Variants in LRRC4C observed in about 807,000 individuals in gnomAD.
The protein encoded by LRRC4C is leucine rich repeat containing 4C.
In LRRC4C, 5 loss-of-function variants were observed where a neutral mutation model predicts 33.6. The observed-to-expected ratio is 0.15, with a 90% CI of 0.08 to 0.31. The LOEUF is 0.31. Ranked by LOEUF, LRRC4C falls within the 10% of genes least tolerant of loss-of-function variation. The pLI is 1.00. For synonymous variants in LRRC4C, 329 were observed against 302.0 expected (o/e 1.09, Z -0.93); for missense variants, 560 against 796.7 (o/e 0.70, Z 3.58).
chr11:41,443,260 C>CG (rs1394752279), intron 1 of LRRC4C, among the ~76,000 whole-genome samples: 1 of 151,996 alleles, frequency 6.6e-6, no homozygotes, highest in African/African-American at 2.4e-5. Flanking sequence ...GTAATCACAG[C>CG]AGTTTGGCAG....
Position 40,115,407 on chromosome 11 carries a change from T to C in LRRC4C, c.886A>G (p.Ile296Val), listed in dbSNP as rs780433805. The change falls in exon 7 of 7, where the codon ATA (isoleucine) becomes GTA (valine). Residue 296 changes from isoleucine (I) to valine (V), a missense_variant. Around this residue, in one of 3 missense-constraint regions of LRRC4C, gnomAD observed 455 missense variants for 643.8 expected, o/e 0.71. Transcript: ENST00000528697. This position sits in a 1 kb window ranked among gnomAD's most constrained non-coding sequence, Gnocchi z 6.7. ...TTCCAAGGGTTGTGATGTAAATGTA[T>C]CCGCTCTAGATGATGCAAGGGAGTG... is the stretch of plus-strand genomic sequence containing the variant. Reference protein sequence around the residue: ...LFTPLHHLERIHLHHNPWNCN... With the variant: ...LFTPLHHLERVHLHHNPWNCN... The C allele has an allele frequency of 5.0e-6, 8 of 1,614,208 alleles. No homozygotes were observed. Among genetic ancestry groups the C allele is most frequent in the Non-Finnish European group, 6.8e-6 (8 of 1,180,028 alleles).
chr11:41,277,732 G>A (rs143596879), intron 1 of LRRC4C, among the ~76,000 whole-genome samples: 1,567 of 152,080 alleles, frequency 0.01, 15 homozygotes, highest in Middle Eastern at 0.054. Context: ...TATGTTAGTC[G>A]TTTTCAGAGA....
chr11:41,091,665 T>C (rs970913825), intron 1 of LRRC4C, among the ~76,000 whole-genome samples: 3 of 152,234 alleles, frequency 2.0e-5, no homozygotes, highest in Admixed American at 1.3e-4. Flanking sequence ...ACAATAAAAG[T>C]ATAATAAATA....
intron 1 of LRRC4C, among the ~76,000 whole-genome samples, chr11:41,109,933 G>C (rs1941731918): frequency 6.6e-6 from 1 of 151,912 alleles, no homozygotes; most frequent in Admixed American, 6.6e-5. Context: ...CATTTCTTGA[G>C]ACAATGGTCT....
At chr11:40,332,323 T>C (rs542104887) in intron 3 of LRRC4C, among the ~76,000 whole-genome samples, 2 of 152,316 alleles carry the variant, frequency 1.3e-5, no homozygotes, top group Non-Finnish European at 2.9e-5. Flanking sequence ...TTAACTTCAA[T>C]TTCTGTCTCC....
In LRRC4C at chr11:40,114,475, G is replaced by A; in HGVS notation, c.1818C>T (p.Asn606=). Residue 606 remains asparagine, a synonymous_variant, in exon 7 of 7, where the codon AAC becomes AAT. Transcript: ENST00000528697. ...NHYNSYKSPF[N]HTTTVNTINS... is the part of the protein sequence containing the mutation. ...TTATTGTGTTAACTGTTGTTGTGTG[G>A]TTGAAGGGAGATTTGTATGAGTTAT... 6.2e-7 allele frequency: 1 copy of A among 1,614,108 alleles called. No homozygotes were observed. The highest frequency in any genetic ancestry group is 8.5e-7 in the Non-Finnish European group (1 of 1,180,018).
At position 40,716,049 on chromosome 11, in the gene LRRC4C, C is replaced by CAA. The variant is rs34904324; in HGVS notation, c.-406-67773_-406-67772dup. ...GACTGTGTCTCAAAACAAAAACAAA[C>CAA]AAAAAAAAAACAAAACCCAGGGCCT... On this transcript the variant is annotated intron_variant, in intron 2 of 6. Transcript: ENST00000528697. Among the ~76,000 whole-genome samples the CAA allele has an allele frequency of 1.7e-4, 25 of 149,854 alleles. 1 individual carries two copies. The highest frequency in any genetic ancestry group is 6.4e-4 in the South Asian group (3 of 4,722).
intron 5 of LRRC4C, among the ~76,000 whole-genome samples, chr11:40,179,345 G>A (rs1317332161): frequency 6.6e-6 from 1 of 152,106 alleles, no homozygotes; most frequent in African/African-American, 2.4e-5. Flanking sequence ...ATACTAATTT[G>A]TGTGTGCTAG....
chr11:41,002,578 C>A (rs1854464021), intron 1 of LRRC4C, among the ~76,000 whole-genome samples: 1 of 152,156 alleles, frequency 6.6e-6, no homozygotes, highest in Non-Finnish European at 1.5e-5. Flanking sequence ...TGAGAAAGAG[C>A]TAAAAATCAC....
At chr11:40,627,459 G>A (rs1963064219) in intron 3 of LRRC4C, among the ~76,000 whole-genome samples, 1 of 152,126 alleles carries the variant, frequency 6.6e-6, no homozygotes, top group African/African-American at 2.4e-5. Context: ...AAGAAAGTGA[G>A]CCTTAAGTAA....
intron 4 of LRRC4C, among the ~76,000 whole-genome samples, chr11:40,301,670 G>C (rs886125329): frequency 2.0e-5 from 3 of 152,040 alleles, no homozygotes; most frequent in Non-Finnish European, 4.4e-5. Context: ...TGATAGCCTT[G>C]TTTTCCCCAC....
intron 1 of LRRC4C, among the ~76,000 whole-genome samples, chr11:41,184,215 A>T (rs1945584807): frequency 6.6e-6 from 1 of 151,782 alleles, no homozygotes; most frequent in African/African-American, 2.4e-5. Flanking sequence ...TTATTTACGC[A>T]AATTTCTGCA....
At chr11:41,421,790 T>C (rs1278479709) in intron 1 of LRRC4C, among the ~76,000 whole-genome samples, 1 of 151,974 alleles carries the variant, frequency 6.6e-6, no homozygotes, top group Non-Finnish European at 1.5e-5. Flanking sequence ...TAATTATGAA[T>C]GTGGAATCAG....
rs964833736 is a variant in LRRC4C, at chr11:41,339,722, T to C, written c.-496+119709A>G. On this transcript the variant is annotated intron_variant, in intron 1 of 6. Coordinates refer to ENST00000528697, the MANE Select transcript of LRRC4C (RefSeq NM_001258419.2). ...CAGTTTGAGCTAATCAAATATATTT[T>C]GCACTTGGAGTAATGGTTATATAGG... is the stretch of plus-strand genomic sequence containing the variant. Among the ~76,000 whole-genome samples the C allele has an allele frequency of 2.6e-5, 4 of 152,214 alleles. No homozygotes were observed. In the East Asian group the frequency reaches 7.7e-4, roughly 29 times the overall value.
chr11:41,095,217 A>G (rs1228459888), intron 1 of LRRC4C, among the ~76,000 whole-genome samples: 2 of 152,194 alleles, frequency 1.3e-5, no homozygotes, highest in African/African-American at 4.8e-5. Flanking sequence ...GCGCACAACG[A>G]GCAAGTGCCT....
chr11:41,040,901 T>A (rs1457029530), intron 1 of LRRC4C, among the ~76,000 whole-genome samples: 1 of 152,206 alleles, frequency 6.6e-6, no homozygotes, highest in Non-Finnish European at 1.5e-5. Context: ...TTGTTTGTCT[T>A]GATTTTTTAA....
At chr11:41,425,296 G>A (rs1478955408) in intron 1 of LRRC4C, among the ~76,000 whole-genome samples, 5 of 152,000 alleles carry the variant, frequency 3.3e-5, no homozygotes, top group Non-Finnish European at 7.4e-5. Context: ...GAGGTGTGAA[G>A]GGCAGGGGAA....
intron 2 of LRRC4C, among the ~76,000 whole-genome samples, chr11:40,671,680 G>GTATA (rs1224555917): frequency 5.2e-5 from 2 of 38,584 alleles, no homozygotes; most frequent in Non-Finnish European, 1.0e-4. Context: ...TGTGTGTGTA[G>GTATA]TATATATATA....
At chr11:40,313,457 C>T (rs532272638) in intron 4 of LRRC4C, among the ~76,000 whole-genome samples, 8 of 151,972 alleles carry the variant, frequency 5.3e-5, no homozygotes, top group African/African-American at 1.9e-4. Context: ...ATAAATGGTG[C>T]TAGGTAAACT....
Sources: allele counts gnomAD v4.1 joint callset (sites outside exome capture counted in the v4.1 genomes callset), GRCh38; gene constraint gnomAD v4.1.1; regional missense constraint gnomAD v4.1.1; non-coding constraint Gnocchi (gnomAD v3.1); transcripts MANE v1.5; gene names NCBI Gene and HGNC (gene_info 2026-07-23, HGNC 2026-07-21).